The following JPH3 variants were observed in gnomAD, a reference collection of about 807,000 sequenced individuals.
JPH3 encodes junctophilin-3.
In JPH3, 11 loss-of-function variants were observed where a neutral mutation model predicts 59.6. The ratio of observed to expected loss-of-function variants is 0.18; its 90% CI spans 0.12 to 0.31. JPH3 has a LOEUF of 0.31. JPH3 is among the 10% of genes least tolerant of loss of function. The pLI, the probability that JPH3 is intolerant of heterozygous loss-of-function variation, is 1.00. For synonymous variants in JPH3, 673 were observed against 483.6 expected (o/e 1.39, Z -5.14); for missense variants, 1,202 against 1,105.7 (o/e 1.09, Z -1.24).
Position 87,608,229 on chromosome 16 carries a change from G to A in JPH3, c.382+4701G>A, listed in dbSNP as rs555265258. On this transcript the variant is annotated intron_variant, in intron 1 of 4. Transcript: ENST00000284262. ...CAAGAAGGGGTGGAGTGTGGGGGTGGGGGCAGGAGCCTCTGCTGTTCCTTT... is the reference window on the plus strand; with the variant it reads ...CAAGAAGGGGTGGAGTGTGGGGGTGAGGGCAGGAGCCTCTGCTGTTCCTTT... Among the ~76,000 whole-genome samples the A allele has an allele frequency of 5.9e-5, 9 of 152,326 alleles. No homozygotes were observed. In the South Asian group the frequency reaches 1.9e-3, roughly 32 times the overall value.
At chr16:87,630,863 T>G (rs531573753) in intron 1 of JPH3, among the ~76,000 whole-genome samples, 1 of 152,344 alleles carries the variant, frequency 6.6e-6, no homozygotes, top group East Asian at 1.9e-4. Context: ...CACTCCCAGC[T>G]ATCTCAATAT....
In JPH3 at chr16:87,603,010, GACCGC is replaced by G; in HGVS notation, c.-136_-132del. On this transcript the variant is annotated 5_prime_UTR_variant, in exon 1 of 5. Coordinates refer to ENST00000284262, the MANE Select transcript of JPH3 (RefSeq NM_020655.4). ...CGGCGCCGCGGCCGCCCGCGCCCGA[GACCGC>G]GCTCCGGGGCCGCGTCCTCCTCTCC... 1 of 1,107,918 alleles carries G rather than the reference GACCGC, an allele frequency of 9.0e-7. No individual in the cohort carries two copies. 68.6% of individuals were successfully genotyped at this position (1,107,918 alleles called of 1,614,324 possible).
chr16:87,621,810 G>C (rs1368928763), intron 1 of JPH3, among the ~76,000 whole-genome samples: 1 of 152,226 alleles, frequency 6.6e-6, no homozygotes, highest in Admixed American at 6.5e-5. Flanking sequence ...GGGCTCACTA[G>C]ACCAAGTGCT....
intron 2 of JPH3, among the ~76,000 whole-genome samples, chr16:87,677,225 C>CACACACACACACAA (rs1271128667): frequency 1.2e-5 from 1 of 81,724 alleles, no homozygotes; most frequent in African/African-American, 4.3e-5. Context: ...CACACACACA[C>CACACACACACACAA]AAAAAAAAAA....
chr16:87,634,016 A>G (rs148814530), intron 1 of JPH3, among the ~76,000 whole-genome samples: 1 of 152,194 alleles, frequency 6.6e-6, no homozygotes, highest in East Asian at 1.9e-4. Context: ...GCGGCATAGG[A>G]TTAGCTTGTA....
intron 2 of JPH3, among the ~76,000 whole-genome samples, chr16:87,676,322 C>T (rs1456733931): frequency 1.3e-5 from 2 of 152,206 alleles, no homozygotes; most frequent in Non-Finnish European, 2.9e-5. Flanking sequence ...CTCAATTTAA[C>T]AACATCTTTT....
chr16:87,695,177 G>A (rs563268305), intron 4 of JPH3: 14 of 375,116 alleles, frequency 3.7e-5, no homozygotes, highest in East Asian at 2.9e-4. Flanking sequence ...GGGGAGGCCC[G>A]TTGTTCGGGC....
At chr16:87,672,373 G>A (rs535545976) in intron 2 of JPH3, among the ~76,000 whole-genome samples, 13 of 152,280 alleles carry the variant, frequency 8.5e-5, no homozygotes, top group Non-Finnish European at 1.5e-4. Flanking sequence ...CCAGACCCCC[G>A]CTGAGGGTGG....
chr16:87,605,197 G>A lies in JPH3; in HGVS notation c.382+1669G>A, dbSNP rs149536273. ...GGAGGACTGTGCAGGCCGGGCTCAC[G>A]CAGGGCATGGGGACGAGAGGAGCCA... On this transcript the variant is annotated intron_variant, in intron 1 of 4. Transcript: ENST00000284262. 2.5e-3 allele frequency among the ~76,000 whole-genome samples: 380 copies of A among 152,320 alleles called. 3 individuals carry two copies. The highest frequency in any genetic ancestry group is 8.0e-3 in the African/African-American group (333 of 41,580).
chr16:87,640,451 C>T (rs962017725), intron 1 of JPH3, among the ~76,000 whole-genome samples: 3 of 151,758 alleles, frequency 2.0e-5, no homozygotes, highest in African/African-American at 7.3e-5. Flanking sequence ...AGTGCAGTGG[C>T]ATGATCTGTG....
chr16:87,659,835 C>T (rs75480619), intron 2 of JPH3, among the ~76,000 whole-genome samples: 3,236 of 152,272 alleles, frequency 0.021, 117 homozygotes, highest in African/African-American at 0.074. Context: ...ACTCCTTTCA[C>T]CTTGCAGAAA....
At chr16:87,637,874 G>A (rs1471644262) in intron 1 of JPH3, among the ~76,000 whole-genome samples, 2 of 152,102 alleles carry the variant, frequency 1.3e-5, no homozygotes, top group African/African-American at 2.4e-5. Context: ...GGCTGCTGGT[G>A]TTCTGTGTTG....
Position 87,616,825 on chromosome 16 carries a change from G to A in JPH3, c.382+13297G>A, listed in dbSNP as rs185126838. On this transcript the variant is annotated intron_variant, in intron 1 of 4. Transcript: ENST00000284262. ...TGTTCTCCATTCCTTCAGTTTCGTC[G>A]TTTCCAAAATGCTCTGTAAACGGAA... 6.8e-4 allele frequency among the ~76,000 whole-genome samples: 104 copies of A among 152,284 alleles called. 1 individual carries two copies. The highest frequency in any genetic ancestry group is 1.3e-3 in the African/African-American group (55 of 41,566).
intron 3 of JPH3, among the ~76,000 whole-genome samples, chr16:87,688,548 C>T (rs368770614): frequency 2.6e-4 from 39 of 152,128 alleles, no homozygotes; most frequent in Non-Finnish European, 4.9e-4. Flanking sequence ...AATGTCCGAG[C>T]GTGAGAGACT....
intron 2 of JPH3, among the ~76,000 whole-genome samples, chr16:87,650,106 G>A (rs1402750933): frequency 2.6e-5 from 4 of 152,192 alleles, no homozygotes; most frequent in Non-Finnish European, 1.5e-5. Context: ...CACATTGGAG[G>A]TTTGTGGCAC....
chr16:87,661,825 A>G (rs1298773710), intron 2 of JPH3, among the ~76,000 whole-genome samples: 3 of 152,170 alleles, frequency 2.0e-5, no homozygotes, highest in Non-Finnish European at 4.4e-5. Context: ...TCTGGGTGCA[A>G]CTCAGCATTT....
chr16:87,632,360 C>T (rs941345941), intron 1 of JPH3, among the ~76,000 whole-genome samples: 1 of 152,224 alleles, frequency 6.6e-6, no homozygotes, highest in Non-Finnish European at 1.5e-5. Context: ...AACTTTTCTT[C>T]CTGGGTTCTG....
At chr16:87,622,166 C>T (rs56133944) in intron 1 of JPH3, among the ~76,000 whole-genome samples, 7,394 of 152,298 alleles carry the variant, frequency 0.049, 242 homozygotes, top group Middle Eastern at 0.075. Flanking sequence ...CACAAGCTAC[C>T]TCTCTGCCGC....
rs532665438 is a variant in JPH3 at position 87,682,075 on chromosome 16, AG to A, written c.1161-2062del. Among the ~76,000 whole-genome samples the A allele has an allele frequency of 7.1e-3, 1,085 of 152,186 alleles. 5 individuals carry two copies. Among genetic ancestry groups the A allele is most frequent in the Non-Finnish European group, 7.8e-3 (531 of 68,004 alleles). The stretch of plus-strand genomic sequence containing the variant: ...CCTGGAATCGGAGCCCCCACAAGAC[AG>A]GGGGTGTGCTCTCTGGGCCAGCGTT... On this transcript the variant is annotated intron_variant, in intron 2 of 4. Transcript: ENST00000284262.
Sources: gnomAD v4.1 joint callset for allele counts (sites outside exome capture counted in the v4.1 genomes callset) on GRCh38, gnomAD v4.1.1 for gene constraint, MANE v1.5 for transcripts, NCBI Gene and HGNC (gene_info 2026-07-23, HGNC 2026-07-21) for gene names.